The following HTR2C variants were observed in gnomAD, a reference collection of about 807,000 sequenced individuals.
HTR2C encodes the protein 5-hydroxytryptamine (serotonin) receptor 2C, G protein-coupled.
In HTR2C, 5 loss-of-function variants were observed where a neutral mutation model predicts 21.0. That is an observed-to-expected ratio of 0.24 (90% CI 0.12 to 0.50). HTR2C has a LOEUF of 0.50. Ranked by LOEUF, HTR2C falls within the 20% of genes least tolerant of loss-of-function variation. The probability of loss-of-function intolerance (pLI) is 0.98; values close to 1 mark genes in which losing one functional copy is unlikely to be tolerated. For synonymous variants in HTR2C, 150 were observed against 145.3 expected, an observed-to-expected ratio of 1.03 and a Z score of -0.23; for missense variants, 271 against 371.2, an observed-to-expected ratio of 0.73 and a Z score of 2.22.
chrX:114,782,422 TTAA>T (rs782567102), intron 4 of HTR2C, among the ~76,000 whole-genome samples: 1 of 111,774 alleles, frequency 8.9e-6, no homozygotes, highest in African/African-American at 3.3e-5. Flanking sequence ...TAAAACAAAA[TTAA>T]TAATATTCTG....
At chrX:114,810,535 C>A (rs2147448044) in intron 4 of HTR2C, among the ~76,000 whole-genome samples, 1 of 109,420 alleles carries the variant, frequency 9.1e-6, no homozygotes, top group South Asian at 4.2e-4. Flanking sequence ...TGTTGCTTAC[C>A]AGCACTGAGT....
chrX:114,852,091 G>A (rs1472342279), intron 5 of HTR2C, among the ~76,000 whole-genome samples: 4 of 111,024 alleles, frequency 3.6e-5, no homozygotes, highest in Non-Finnish European at 1.9e-5. Context: ...GAAATGCAAT[G>A]TTTAAAATTT....
intron 2 of HTR2C, among the ~76,000 whole-genome samples, chrX:114,666,229 T>A (rs1403885754): frequency 8.9e-6 from 1 of 111,971 alleles, no homozygotes; most frequent in Non-Finnish European, 1.9e-5. Context: ...AATTTTGAAG[T>A]CAACTATGTT....
intron 5 of HTR2C, 109 bp downstream of exon 5, chrX:114,848,312 C>T (rs1356571476): frequency 6.4e-6 from 3 of 467,157 alleles, no homozygotes; most frequent in Admixed American, 8.9e-5. Flanking sequence ...TGCGTTTGAT[C>T]GGGTTCTTTT....
intron 2 of HTR2C, among the ~76,000 whole-genome samples, chrX:114,658,972 A>G (rs1930885398): frequency 8.9e-6 from 1 of 111,822 alleles, no homozygotes; most frequent in Admixed American, 9.5e-5. Flanking sequence ...AAGACTGGGT[A>G]ATTTATAAAG....
chrX:114,787,214 A>G (rs2070184372), intron 4 of HTR2C, among the ~76,000 whole-genome samples: 1 of 112,102 alleles, frequency 8.9e-6, no homozygotes, highest in South Asian at 3.7e-4. Context: ...AGGACTATAT[A>G]CAACACAAAT....
At chrX:114,720,272 T>C (rs1415335393) in intron 2 of HTR2C, among the ~76,000 whole-genome samples, 8 of 110,989 alleles carry the variant, frequency 7.2e-5, no homozygotes, top group Admixed American at 5.8e-4. Flanking sequence ...AAGGGGATGA[T>C]TTGGAGATTG....
At chrX:114,852,431 G>GA (rs1258115162) in intron 5 of HTR2C, among the ~76,000 whole-genome samples, 3 of 108,571 alleles carry the variant, frequency 2.8e-5, no homozygotes, top group Non-Finnish European at 5.7e-5. Context: ...AAAAAAAAAA[G>GA]ATTATACACA....
chrX:114,866,586 C>T (rs1043477838), intron 5 of HTR2C, among the ~76,000 whole-genome samples: 10 of 81,068 alleles, frequency 1.2e-4, no homozygotes, highest in Non-Finnish European at 2.4e-4. Context: ...CAATAGTAGG[C>T]CTTATTCATT....
chrX:114,807,499 T>C (rs1365660278), intron 4 of HTR2C, among the ~76,000 whole-genome samples: 6 of 66,433 alleles, frequency 9.0e-5, no homozygotes, highest in African/African-American at 2.5e-4. Context: ...ATATATACCA[T>C]ATATATACAC....
At chrX:114,820,609 G>A (rs962770604) in intron 4 of HTR2C, among the ~76,000 whole-genome samples, 3 of 110,172 alleles carry the variant, frequency 2.7e-5, no homozygotes, top group South Asian at 4.0e-4. Context: ...CCCAGGGGGA[G>A]GTAATTGAAT....
intron 4 of HTR2C, among the ~76,000 whole-genome samples, chrX:114,794,705 C>T (rs1381238351): frequency 1.9e-4 from 21 of 108,990 alleles, no homozygotes; most frequent in Non-Finnish European, 4.0e-4. Flanking sequence ...AGGACATGAA[C>T]TCATCATTTT....
At chrX:114,827,154 C>T (rs2070685560) in intron 4 of HTR2C, among the ~76,000 whole-genome samples, 1 of 111,078 alleles carries the variant, frequency 9.0e-6, no homozygotes, top group Non-Finnish European at 1.9e-5. Flanking sequence ...GTTAACAGTT[C>T]AGCATCCCTA....
chrX:114,802,690 CTTTCTTT>C (rs2070358763), intron 4 of HTR2C, among the ~76,000 whole-genome samples: 2 of 84,411 alleles, frequency 2.4e-5, no homozygotes, highest in African/African-American at 9.5e-5. Flanking sequence ...TAGATTCTTT[CTTTCTTT>C]CTTTCTTTCT....
At chrX:114,701,284 C>G (rs1932483088) in intron 2 of HTR2C, among the ~76,000 whole-genome samples, 1 of 112,085 alleles carries the variant, frequency 8.9e-6, no homozygotes, top group African/African-American at 3.2e-5. Context: ...CACCTGACCC[C>G]CGAACAGCCT....
intron 4 of HTR2C, among the ~76,000 whole-genome samples, chrX:114,768,516 T>C (rs959270669): frequency 2.7e-5 from 3 of 111,220 alleles, no homozygotes; most frequent in Non-Finnish European, 5.7e-5. Context: ...TCAAATATAA[T>C]GTAATATAAT....
At chrX:114,886,997 ATGTT>A (rs1167710552) in intron 5 of HTR2C, among the ~76,000 whole-genome samples, 6 of 112,048 alleles carry the variant, frequency 5.4e-5, no homozygotes, top group African/African-American at 1.9e-4. Flanking sequence ...AAAAGAAAAG[ATGTT>A]TATTTGGGGA....
intron 4 of HTR2C, among the ~76,000 whole-genome samples, chrX:114,798,901 T>C (rs2070320431): frequency 9.0e-6 from 1 of 110,721 alleles, no homozygotes; most frequent in South Asian, 3.8e-4. Context: ...AGCTAATTAC[T>C]GAATAAAGTA....
At chrX:114,839,543 C>T (rs1190905183) in intron 4 of HTR2C, among the ~76,000 whole-genome samples, 1 of 110,485 alleles carries the variant, frequency 9.1e-6, no homozygotes, top group Admixed American at 9.7e-5. Context: ...AAAAATTAGC[C>T]AGGCAGGGTG....
Sources: allele counts gnomAD v4.1 joint callset (sites outside exome capture counted in the v4.1 genomes callset), GRCh38; gene constraint gnomAD v4.1.1; transcripts MANE v1.5; gene names NCBI Gene and HGNC (gene_info 2026-07-23, HGNC 2026-07-21).